Variants in MAPK4 observed in about 807,000 individuals in gnomAD.
The protein encoded by MAPK4 is mitogen-activated protein kinase 4.
In MAPK4, 22 loss-of-function variants were observed where a neutral mutation model predicts 47.7. The observed-to-expected ratio is 0.46, with a 90% confidence interval of 0.33 to 0.66. MAPK4 has a LOEUF of 0.66. Ranked by LOEUF, MAPK4 falls within the 30% of genes least tolerant of loss-of-function variation. MAPK4 has a pLI of 0.02. For missense variants in MAPK4, 736 were observed against 831.7 expected (o/e 0.88, Z 1.42); for synonymous variants, 390 against 365.7 (o/e 1.07, Z -0.76).
chr18:50,658,897 G>A (rs2043139883), intron 1 of MAPK4, among the ~76,000 whole-genome samples: 1 of 152,196 alleles, frequency 6.6e-6, no homozygotes, highest in South Asian at 2.1e-4. Context: ...CACACTTCAG[G>A]ACCTGCTTGT....
intron 1 of MAPK4, among the ~76,000 whole-genome samples, chr18:50,586,234 A>G (rs1049921074): frequency 6.6e-6 from 1 of 152,194 alleles, no homozygotes; most frequent in African/African-American, 2.4e-5. Context: ...TCTAATTGAC[A>G]TTAGTTTGTC....
intron 1 of MAPK4, among the ~76,000 whole-genome samples, chr18:50,609,273 C>G (rs900594997): frequency 1.8e-4 from 28 of 151,948 alleles, no homozygotes; most frequent in Admixed American, 1.4e-3. Flanking sequence ...CAGAGGGGCT[C>G]CTCACTTCCC....
chr18:50,724,220 C>T (rs149070960), intron 4 of MAPK4, among the ~76,000 whole-genome samples: 30 of 152,286 alleles, frequency 2.0e-4, no homozygotes, highest in African/African-American at 6.5e-4. Flanking sequence ...TACTGGCCCA[C>T]CTGGCCAACT....
intron 1 of MAPK4, among the ~76,000 whole-genome samples, chr18:50,593,219 A>G (rs1237594340): frequency 6.6e-6 from 1 of 152,196 alleles, no homozygotes; most frequent in Non-Finnish European, 1.5e-5. Flanking sequence ...TGCGTCATCA[A>G]AATTGGCCCC....
intron 1 of MAPK4, among the ~76,000 whole-genome samples, chr18:50,616,918 A>G (rs533432256): frequency 3.5e-4 from 54 of 152,206 alleles, no homozygotes; most frequent in Non-Finnish European, 6.3e-4. Flanking sequence ...ACCCAGAAAC[A>G]ATACTTTGTA....
chr18:50,595,409 C>T (rs928827491), intron 1 of MAPK4, among the ~76,000 whole-genome samples: 1 of 152,124 alleles, frequency 6.6e-6, no homozygotes, highest in African/African-American at 2.4e-5. Context: ...ATCTCCAAAA[C>T]ATAATAGTGA....
chr18:50,643,040 A>T (rs890538599), intron 1 of MAPK4, among the ~76,000 whole-genome samples: 1 of 150,778 alleles, frequency 6.6e-6, no homozygotes, highest in Non-Finnish European at 1.5e-5. Flanking sequence ...CAATATGAGA[A>T]TATACTTGTT....
chr18:50,691,664 G>A (rs1432719871), intron 2 of MAPK4, among the ~76,000 whole-genome samples: 4 of 152,236 alleles, frequency 2.6e-5, no homozygotes, highest in Admixed American at 1.3e-4. Context: ...CTCAAGTCAG[G>A]GCATATGGAA....
intron 1 of MAPK4, among the ~76,000 whole-genome samples, chr18:50,632,464 A>T (rs1336447501): frequency 6.6e-6 from 1 of 152,154 alleles, no homozygotes; most frequent in African/African-American, 2.4e-5. Context: ...GTCATCCAGC[A>T]TCCCCTCTGC....
At chr18:50,611,161 G>A (rs2042629697) in intron 1 of MAPK4, among the ~76,000 whole-genome samples, 1 of 152,198 alleles carries the variant, frequency 6.6e-6, no homozygotes, top group Non-Finnish European at 1.5e-5. Context: ...TCAAATTTGG[G>A]TAGGTTCAGG....
At chr18:50,642,753 A>C (rs552786792) in intron 1 of MAPK4, among the ~76,000 whole-genome samples, 1 of 152,326 alleles carries the variant, frequency 6.6e-6, no homozygotes, top group East Asian at 1.9e-4. Flanking sequence ...AAAGGTAAAC[A>C]AATGAGGAAC....
At chr18:50,589,184 TA>T (rs1360550904) in intron 1 of MAPK4, among the ~76,000 whole-genome samples, 4 of 152,194 alleles carry the variant, frequency 2.6e-5, no homozygotes, top group Non-Finnish European at 2.9e-5. Context: ...GGACTGCCCA[TA>T]GCTTCAATAA....
chr18:50,580,673 C>A (rs2042335549), intron 1 of MAPK4, among the ~76,000 whole-genome samples: 1 of 152,194 alleles, frequency 6.6e-6, no homozygotes, highest in Non-Finnish European at 1.5e-5. Flanking sequence ...CCTTGAGTCA[C>A]TTAAGGGTGT....
intron 3 of MAPK4, among the ~76,000 whole-genome samples, chr18:50,717,520 C>A (rs1910705940): frequency 6.6e-6 from 1 of 152,096 alleles, no homozygotes. Flanking sequence ...TAGCCTTACC[C>A]CAGCCCCCTT....
At chr18:50,613,186 G>A (rs1386415421) in intron 1 of MAPK4, among the ~76,000 whole-genome samples, 3 of 152,188 alleles carry the variant, frequency 2.0e-5, no homozygotes, top group Non-Finnish European at 4.4e-5. Context: ...TATGGCAAAA[G>A]TAATGGGGTG....
chr18:50,661,483 C>T (rs1376703457), intron 1 of MAPK4, among the ~76,000 whole-genome samples: 4 of 152,178 alleles, frequency 2.6e-5, no homozygotes, highest in Non-Finnish European at 5.9e-5. Flanking sequence ...AAGCACTAAG[C>T]TGGTGCTCTC....
At position 50,678,449 on chromosome 18, in the gene MAPK4, CCAAT is replaced by C. The variant is rs1486040379; in HGVS notation, c.546+13948_546+13951del. On this transcript the variant is annotated intron_variant, in intron 2 of 5. Coordinates refer to ENST00000400384, the MANE Select transcript of MAPK4 (RefSeq NM_002747.4). The surrounding 1 kb of genome is among the most constrained non-coding windows in gnomAD (Gnocchi z 4.2). ...CAATCTGAACAGACATCGGCAGTGA[CCAAT>C]CAGAGTAGATACTGTCTGGGAGCCG... Among the ~76,000 whole-genome samples the C allele has an allele frequency of 3.3e-5, 5 of 152,162 alleles. No individual in the cohort carries two copies. The highest frequency in any genetic ancestry group is 1.3e-4 in the Admixed American group (2 of 15,276).
rs529658408 is a variant in MAPK4, at chr18:50,575,532, C to T, written c.-871+15289C>T. Among the ~76,000 whole-genome samples the T allele has an allele frequency of 6.4e-4, 97 of 151,770 alleles. 1 individual carries two copies. Among genetic ancestry groups the T allele is most frequent in the Non-Finnish European group, 4.1e-4 (28 of 67,918 alleles). ...CTGAAGTCACCCAAAGGAGAGACAG[C>T]AAAAGAAATTCCAAAGAGGGAGACA... On this transcript the variant is annotated intron_variant, in intron 1 of 5. Transcript: ENST00000400384.
chr18:50,727,203 C>T (rs930858344), intron 5 of MAPK4, among the ~76,000 whole-genome samples: 1 of 152,210 alleles, frequency 6.6e-6, no homozygotes, highest in Non-Finnish European at 1.5e-5. Context: ...TTGGGCATCA[C>T]CATCTGCTAA....
Sources: allele counts gnomAD v4.1 joint callset (sites outside exome capture counted in the v4.1 genomes callset), GRCh38; gene constraint gnomAD v4.1.1; non-coding constraint Gnocchi (gnomAD v3.1); transcripts MANE v1.5; gene names NCBI Gene and HGNC (gene_info 2026-07-23, HGNC 2026-07-21).